The following UNC5C variants were observed in gnomAD, a reference collection of about 807,000 sequenced individuals.
UNC5C encodes the protein unc-5 netrin receptor C.
A neutral mutation model predicts 99.8 loss-of-function variants in UNC5C; 47 were observed. The ratio of observed to expected loss-of-function variants is 0.47; its 90% CI spans 0.37 to 0.60. The LOEUF (loss-of-function observed/expected upper bound fraction) is 0.60. UNC5C is among the 20% of genes least tolerant of loss of function. UNC5C has a pLI of 0.00. For missense variants in UNC5C, 1,062 were observed against 1,165.9 expected (o/e 0.91, Z 1.30); for synonymous variants, 487 against 452.2 (o/e 1.08, Z -0.98).
chr4:95,326,819 G>A (rs1347738660), intron 2 of UNC5C, among the ~76,000 whole-genome samples: 1 of 152,004 alleles, frequency 6.6e-6, no homozygotes, highest in Admixed American at 6.6e-5. Context: ...TTTTGTTTAA[G>A]TTTTATTGTC....
intron 1 of UNC5C, among the ~76,000 whole-genome samples, chr4:95,453,866 C>T (rs1747354770): frequency 6.6e-6 from 1 of 152,040 alleles, no homozygotes; most frequent in Non-Finnish European, 1.5e-5. Flanking sequence ...ATGTCTCATT[C>T]CTCAAGAAAA....
At chr4:95,403,782 C>T (rs1384590719) in intron 1 of UNC5C, among the ~76,000 whole-genome samples, 1 of 152,180 alleles carries the variant, frequency 6.6e-6, no homozygotes, top group Non-Finnish European at 1.5e-5. Context: ...TAAAGTAACA[C>T]TGATATGTTT....
chr4:95,537,758 T>C (rs576868410), intron 1 of UNC5C, among the ~76,000 whole-genome samples: 272 of 152,290 alleles, frequency 1.8e-3, no homozygotes, highest in African/African-American at 6.4e-3. Context: ...AGTGATCACC[T>C]TAAAAATATT....
At chr4:95,453,630 C>T (rs2149468320) in intron 1 of UNC5C, among the ~76,000 whole-genome samples, 1 of 152,156 alleles carries the variant, frequency 6.6e-6, no homozygotes, top group East Asian at 1.9e-4. Context: ...CTTCAGCAAA[C>T]ACCAAGGACT....
At chr4:95,258,753 T>TC (rs1740104052) in intron 4 of UNC5C, among the ~76,000 whole-genome samples, 1 of 108,894 alleles carries the variant, frequency 9.2e-6, no homozygotes, top group African/African-American at 3.1e-5. Flanking sequence ...ATTCTTTTTT[T>TC]TTTTTTTTTT....
chr4:95,383,745 T>C (rs1475810324), intron 1 of UNC5C, among the ~76,000 whole-genome samples: 1 of 152,184 alleles, frequency 6.6e-6, no homozygotes, highest in South Asian at 2.1e-4. Context: ...GTTTTAATAT[T>C]GCATTTGTGA....
Position 95,203,863 on chromosome 4 carries a change from A to ACT in UNC5C, c.1903-901_1903-900dup, listed in dbSNP as rs370646306. The stretch of plus-strand genomic sequence containing the variant: ...CTGCAAAAAGGTTTAAACGGAAAAC[A>ACT]CTCAACCTAGATCATGTGAGCAGTT... On this transcript the variant is annotated intron_variant, in intron 11 of 15. Coordinates refer to ENST00000453304, the MANE Select transcript of UNC5C (RefSeq NM_003728.4). Among the ~76,000 whole-genome samples the ACT allele has an allele frequency of 5.3e-5, 8 of 152,290 alleles. No individual in the cohort carries two copies. The East Asian group carries it at 1.5e-3, about 29-fold the overall frequency.
intron 1 of UNC5C, among the ~76,000 whole-genome samples, chr4:95,547,899 G>C (rs558187447): frequency 6.6e-6 from 1 of 152,332 alleles, no homozygotes; most frequent in South Asian, 2.1e-4. Context: ...TTCCCAACCC[G>C]GCTTCGCCCA....
intron 1 of UNC5C, among the ~76,000 whole-genome samples, chr4:95,412,817 C>T (rs1217941102): frequency 6.6e-6 from 1 of 152,054 alleles, no homozygotes; most frequent in Non-Finnish European, 1.5e-5. Context: ...GGAGAGCATA[C>T]GTTGCAAGAA....
Position 95,377,529 on chromosome 4 carries a change from C to T in UNC5C, c.125-41898G>A, listed in dbSNP as rs1333659702. ...CTGATCTTTTCTGAGACTGCTAATC[C>T]CACCTTCTCCTAGCCTATTTTGCTG... On this transcript the variant is annotated intron_variant, in intron 1 of 15. Transcript: ENST00000453304. 2.0e-5 allele frequency among the ~76,000 whole-genome samples: 3 copies of T among 152,134 alleles called. No individual in the cohort carries two copies. In the South Asian group the frequency reaches 6.2e-4, roughly 32 times the overall value.
At chr4:95,213,863 G>A (rs774964114) in intron 10 of UNC5C, among the ~76,000 whole-genome samples, 4 of 152,212 alleles carry the variant, frequency 2.6e-5, no homozygotes, top group South Asian at 4.1e-4. Flanking sequence ...AAAATGCACC[G>A]TAATACATAG....
At chr4:95,544,138 T>C (rs1022523364) in intron 1 of UNC5C, among the ~76,000 whole-genome samples, 7 of 152,202 alleles carry the variant, frequency 4.6e-5, no homozygotes, top group Non-Finnish European at 8.8e-5. Flanking sequence ...GTATATATTA[T>C]CCTCATTTTT....
intron 4 of UNC5C, among the ~76,000 whole-genome samples, chr4:95,251,278 A>G (rs1046664320): frequency 8.5e-5 from 13 of 152,194 alleles, no homozygotes; most frequent in Non-Finnish European, 1.8e-4. Flanking sequence ...AGATGTATCT[A>G]AGCCAAATTT....
At chr4:95,364,061 C>G (rs1744478830) in intron 1 of UNC5C, among the ~76,000 whole-genome samples, 1 of 152,184 alleles carries the variant, frequency 6.6e-6, no homozygotes. Flanking sequence ...AATGACCCAT[C>G]TCAATGACTC....
Position 95,180,795 on chromosome 4 carries a change from T to C in UNC5C, c.2451+2102A>G, listed in dbSNP as rs576920104. Among the ~76,000 whole-genome samples the C allele has an allele frequency of 3.3e-3, 500 of 152,244 alleles. 1 individual carries two copies. Among genetic ancestry groups the C allele is most frequent in the Middle Eastern group, 0.014 (4 of 294 alleles). ...CAGCTCATTCCTGGGAGATAGGACA[T>C]TGGAACGGGAACCCCAGCCTCATTG... On this transcript the variant is annotated intron_variant, in intron 14 of 15. Transcript: ENST00000453304.
At chr4:95,420,759 A>C (rs533466919) in intron 1 of UNC5C, among the ~76,000 whole-genome samples, 45 of 152,304 alleles carry the variant, frequency 3.0e-4, no homozygotes, top group African/African-American at 1.1e-3. Flanking sequence ...GAAAAGATAC[A>C]TGAGACTCAA....
intron 1 of UNC5C, among the ~76,000 whole-genome samples, chr4:95,412,168 G>A (rs1450722205): frequency 1.3e-5 from 2 of 152,054 alleles, no homozygotes; most frequent in African/African-American, 4.8e-5. Flanking sequence ...CATGCCAACT[G>A]ACTTGTAATT....
intron 1 of UNC5C, among the ~76,000 whole-genome samples, chr4:95,359,611 C>T (rs1388030037): frequency 1.3e-5 from 2 of 151,830 alleles, no homozygotes; most frequent in Non-Finnish European, 2.9e-5. Flanking sequence ...CTGTGTTTTT[C>T]CTAGATGAAA....
In UNC5C at chr4:95,202,931, T is replaced by C; in HGVS notation, c.1936A>G (p.Thr646Ala). 1.2e-6 allele frequency: 2 copies of C among 1,613,432 alleles called. No individual in the cohort carries two copies. The highest frequency in any genetic ancestry group is 2.2e-5 in the South Asian group (2 of 91,054). The change falls in exon 12 of 16, where the codon ACC (threonine) becomes GCC (alanine). Residue 646 changes from threonine (T) to alanine (A), a missense_variant. Physicochemically the swap from Thr to Ala is moderately conservative, Grantham distance 58. Transcript: ENST00000453304. ...VVVVGEENFT[T>A]PCYIQLDAEA... ...GCATCCAGCTGAATGTAGCAGGGGGTGGTGAAGTTTTCCTCCCCGACCACC... is the reference window on the plus strand; with the variant it reads ...GCATCCAGCTGAATGTAGCAGGGGGCGGTGAAGTTTTCCTCCCCGACCACC...
Sources: gnomAD v4.1 joint callset for allele counts (sites outside exome capture counted in the v4.1 genomes callset) on GRCh38, gnomAD v4.1.1 for gene constraint, MANE v1.5 for transcripts, NCBI Gene and HGNC (gene_info 2026-07-23, HGNC 2026-07-21) for gene names.